Variants in OSBPL2 observed in about 807,000 individuals in gnomAD.
OSBPL2 encodes oxysterol binding protein like 2.
Under a neutral mutation model 58.4 loss-of-function variants are expected in OSBPL2, and 18 were observed. That is an observed-to-expected ratio of 0.31 (90% confidence interval 0.21 to 0.46). OSBPL2 has a LOEUF of 0.46. OSBPL2 is among the 20% of genes least tolerant of loss of function. The pLI is 1.00. For synonymous variants in OSBPL2, 221 were observed against 234.1 expected (o/e 0.94, Z 0.51); for missense variants, 461 against 616.5 (o/e 0.75, Z 2.67).
intron 7 of OSBPL2, 65 bp from the exon 8 acceptor site, chr20:62,280,993 T>A: frequency 7.6e-7 from 1 of 1,311,296 alleles, no homozygotes; most frequent in Non-Finnish European, 1.1e-6. Flanking sequence ...GGTCGTTGCG[T>A]CTTGGGTCAC....
intron 4 of OSBPL2, among the ~76,000 whole-genome samples, chr20:62,270,077 G>A (rs112981767): frequency 2.0e-5 from 3 of 152,190 alleles, no homozygotes; most frequent in Admixed American, 6.5e-5. Context: ...GGAACCTCGC[G>A]GCCCAGGCAG....
At chr20:62,259,952 G>A (rs780580691) in intron 2 of OSBPL2, 29 bp from the exon 3 acceptor site, 24 of 1,603,424 alleles carry the variant, frequency 1.5e-5, no homozygotes, top group East Asian at 4.5e-5. Context: ...CAGGTCCAGC[G>A]AAAATGACCA....
intron 5 of OSBPL2, 148 bp downstream of exon 5, chr20:62,272,407 A>G: frequency 1.2e-6 from 1 of 859,668 alleles, no homozygotes; most frequent in East Asian, 2.7e-5. Flanking sequence ...CGGTCGTGGC[A>G]TTTGTCCTGT....
chr20:62,245,100 CTT>C (rs398040809), intron 1 of OSBPL2, among the ~76,000 whole-genome samples: 22 of 143,542 alleles, frequency 1.5e-4, no homozygotes, highest in Middle Eastern at 3.4e-3. Flanking sequence ...GAAATCTGTT[CTT>C]TTTTTTTTTT....
intron 10 of OSBPL2, chr20:62,285,860 G>A (rs4925367): frequency 0.44 from 66,708 of 152,054 alleles, 14,593 homozygotes; most frequent in Middle Eastern, 0.47. Context: ...GAAGGGAAAC[G>A]CCTGGCCACT....
In OSBPL2 at chr20:62,256,126, G is replaced by T; in HGVS notation, c.-59G>T. Reference sequence around the variant, plus strand: ...TTCCTTACACTGTAGATGTGGATCAGATACGATGATTCAGTAGAAGAGCAC... The same window carrying T: ...TTCCTTACACTGTAGATGTGGATCATATACGATGATTCAGTAGAAGAGCAC... On this transcript the variant is annotated 5_prime_UTR_variant, in exon 2 of 14. Coordinates refer to ENST00000313733, the MANE Select transcript of OSBPL2 (RefSeq NM_144498.4). 1 of 1,574,202 alleles carries T rather than the reference G, an allele frequency of 6.4e-7. No individual in the cohort carries two copies.
intron 6 of OSBPL2, among the ~76,000 whole-genome samples, chr20:62,277,507 G>A (rs559389760): frequency 5.9e-5 from 9 of 152,228 alleles, no homozygotes. Flanking sequence ...GCCAGTGTCT[G>A]CCATGTGCTG....
At chr20:62,280,181 A>C in intron 7 of OSBPL2, 3 of 1,135,262 alleles carry the variant, frequency 2.6e-6, no homozygotes, top group Non-Finnish European at 2.4e-6. Context: ...CCTAACAAAT[A>C]CATACAGAAA....
chr20:62,270,178 C>A (rs1981965889), intron 4 of OSBPL2, among the ~76,000 whole-genome samples: 1 of 152,212 alleles, frequency 6.6e-6, no homozygotes. Flanking sequence ...CTTGGTGGGG[C>A]CGTCCTAGTC....
intron 1 of OSBPL2, among the ~76,000 whole-genome samples, chr20:62,253,753 A>G (rs1463188172): frequency 1.4e-5 from 2 of 147,752 alleles, no homozygotes; most frequent in Non-Finnish European, 3.0e-5. Context: ...GGAGGGGGAG[A>G]GAGCACACTA....
At chr20:62,277,491 G>T (rs1049342677) in intron 6 of OSBPL2, among the ~76,000 whole-genome samples, 1 of 152,210 alleles carries the variant, frequency 6.6e-6, no homozygotes, top group Admixed American at 6.5e-5. Context: ...CTTCCAGATC[G>T]TCCTTGCCAG....
intron 6 of OSBPL2, among the ~76,000 whole-genome samples, chr20:62,274,703 G>A (rs1043024884): frequency 1.3e-5 from 2 of 152,216 alleles, no homozygotes; most frequent in Non-Finnish European, 2.9e-5. Flanking sequence ...AGCTCGCTCC[G>A]CCTGCCTGGG....
chr20:62,291,440 A>T, intron 12 of OSBPL2: 1 of 471,476 alleles, frequency 2.1e-6, no homozygotes, highest in East Asian at 4.2e-5. Context: ...GCACCCGCAG[A>T]CTTTGAGTAG....
chr20:62,247,063 T>C (rs1980169214), intron 1 of OSBPL2, among the ~76,000 whole-genome samples: 1 of 152,218 alleles, frequency 6.6e-6, no homozygotes, highest in Non-Finnish European at 1.5e-5. Flanking sequence ...GATGTGACAG[T>C]GGCTTTGGTT....
At chr20:62,254,545 C>T (rs1980791281) in intron 1 of OSBPL2, among the ~76,000 whole-genome samples, 1 of 152,244 alleles carries the variant, frequency 6.6e-6, no homozygotes, top group African/African-American at 2.4e-5. Context: ...GAGAGTCTCT[C>T]AGGGGACGTG....
intron 13 of OSBPL2, among the ~76,000 whole-genome samples, chr20:62,293,120 C>T (rs985815299): frequency 6.6e-6 from 1 of 152,104 alleles, no homozygotes; most frequent in Non-Finnish European, 1.5e-5. Context: ...CCTCCAGCCT[C>T]CCAAAGTGCT....
In OSBPL2 at chr20:62,288,514, C is replaced by T. The variant is rs1222767679; in HGVS notation, c.1126-693C>T. On this transcript the variant is annotated intron_variant, in intron 11 of 13. Transcript: ENST00000313733. This position sits in a 1 kb window ranked among gnomAD's most constrained non-coding sequence, Gnocchi z 4.8. The stretch of plus-strand genomic sequence containing the variant: ...GCTGGGAGGCTGTGGGTGCAGAGGC[C>T]GGAGGCTGTGGGTGCAGAGGCTGGG... Among the ~76,000 whole-genome samples, 10 of 114,570 alleles carry T rather than the reference C, an allele frequency of 8.7e-5. No homozygotes were observed. The highest frequency in any genetic ancestry group is 2.5e-4 in the East Asian group (1 of 3,934). The allele number at this position is 114,570 out of a possible 152,430, so 75.2% of individuals were successfully genotyped here.
At chr20:62,293,068 G>A (rs1298459509) in intron 13 of OSBPL2, among the ~76,000 whole-genome samples, 3 of 151,844 alleles carry the variant, frequency 2.0e-5, no homozygotes, top group Non-Finnish European at 4.4e-5. Flanking sequence ...TAGAGACGGG[G>A]TTTCCCCGTG....
intron 7 of OSBPL2, chr20:62,280,004 T>G: frequency 7.7e-7 from 1 of 1,304,022 alleles, no homozygotes; most frequent in Non-Finnish European, 1.0e-6. Context: ...TGCTCCCCAA[T>G]CCAGTGTCAA....
Sources: gnomAD v4.1 joint callset for allele counts (sites outside exome capture counted in the v4.1 genomes callset) on GRCh38, gnomAD v4.1.1 for gene constraint, Gnocchi (gnomAD v3.1) non-coding constraint, MANE v1.5 for transcripts, NCBI Gene and HGNC (gene_info 2026-07-23, HGNC 2026-07-21) for gene names.